Variants in SLC38A6 observed in about 807,000 individuals in gnomAD.
The protein encoded by SLC38A6 is solute carrier family 38 member 6, also known as N system amino acid transporter NAT-1.
In SLC38A6, 73 loss-of-function variants were observed where a neutral mutation model predicts 65.0. The ratio of observed to expected loss-of-function variants is 1.12; its 90% CI spans 0.93 to 1.37. The LOEUF is 1.37. Ranked by LOEUF, SLC38A6 falls within the 40% of genes most tolerant of loss-of-function variation. The probability of loss-of-function intolerance (pLI) is 0.00; values close to 1 mark genes in which losing one functional copy is unlikely to be tolerated. For synonymous variants in SLC38A6, 183 were observed against 178.8 expected (o/e 1.02, Z -0.19); for missense variants, 561 against 531.1 (o/e 1.06, Z -0.55).
chr14:61,074,037 A>G (rs2043316344), intron 15 of SLC38A6: 3 of 152,238 alleles, frequency 2.0e-5, no homozygotes, highest in South Asian at 2.1e-4. Flanking sequence ...TACAAATAAC[A>G]TACAAAATGT....
intron 3 of SLC38A6, among the ~76,000 whole-genome samples, chr14:61,003,850 G>A (rs1456569573): frequency 2.0e-5 from 3 of 152,102 alleles, no homozygotes; most frequent in Non-Finnish European, 4.4e-5. Flanking sequence ...GTGACAGAAA[G>A]GAATGACTAG....
chr14:60,990,041 T>G (rs181688709), intron 3 of SLC38A6, among the ~76,000 whole-genome samples: 3 of 152,036 alleles, frequency 2.0e-5, no homozygotes, highest in Non-Finnish European at 4.4e-5. Context: ...TCTTTTCTTT[T>G]TTTTTTGAGA....
chr14:61,037,222 T>C, intron 7 of SLC38A6, 81 bp downstream of exon 7: 1 of 1,074,034 alleles, frequency 9.3e-7, no homozygotes, highest in African/African-American at 1.6e-5. Context: ...ATTAAGGGGC[T>C]TTAAAATTTC....
chr14:61,017,072 G>T (rs759453734), intron 4 of SLC38A6, among the ~76,000 whole-genome samples: 4 of 151,934 alleles, frequency 2.6e-5, no homozygotes, highest in African/African-American at 9.7e-5. Flanking sequence ...ACAGAGTTTC[G>T]CTCTTGTTGC....
At chr14:61,046,954 A>G (rs1472408582) in intron 12 of SLC38A6, among the ~76,000 whole-genome samples, 1 of 152,162 alleles carries the variant, frequency 6.6e-6, no homozygotes, top group East Asian at 1.9e-4. Flanking sequence ...ACTTAAATAT[A>G]TAAACTTTAT....
At chr14:60,986,942 TA>T in intron 3 of SLC38A6, 1 of 247,428 alleles carries the variant, frequency 4.0e-6, no homozygotes, top group Admixed American at 5.7e-5. Context: ...GGTTCACATG[TA>T]TTTAACTTTA....
In SLC38A6 at chr14:61,046,158, A is replaced by G; in HGVS notation, c.916A>G (p.Thr306Ala). The change falls in exon 12 of 16, where the codon ACT becomes GCT. Residue 306 changes from threonine to alanine, a missense_variant. By Grantham distance (58) the Thr-to-Ala change is moderately conservative. Coordinates refer to ENST00000267488, the MANE Select transcript of SLC38A6 (RefSeq NM_153811.3). ...YFISALFGYL[T>A]FYDKVESELL... ...TATATCTGCACTCTTTGGGTACCTC[A>G]CTTTTTATGGTAAGTACATTTTAAA... 6.3e-7 allele frequency: 1 copy of G among 1,585,996 alleles called. No individual in the cohort carries two copies. Among genetic ancestry groups the G allele is most frequent in the Non-Finnish European group, 8.6e-7 (1 of 1,156,218 alleles).
intron 3 of SLC38A6, among the ~76,000 whole-genome samples, chr14:61,014,761 G>A (rs547340936): frequency 1.3e-5 from 2 of 152,312 alleles, no homozygotes; most frequent in South Asian, 2.1e-4. Flanking sequence ...TCTCAGAGGA[G>A]TACCCGGCCG....
chr14:61,023,966 A>G (rs898338891), intron 5 of SLC38A6, among the ~76,000 whole-genome samples: 2 of 152,182 alleles, frequency 1.3e-5, no homozygotes, highest in Non-Finnish European at 2.9e-5. Flanking sequence ...AGAAAGGACT[A>G]AGAGGGGAGA....
intron 15 of SLC38A6, among the ~76,000 whole-genome samples, chr14:61,071,198 T>G (rs904144309): frequency 3.9e-5 from 6 of 152,354 alleles, no homozygotes; most frequent in East Asian, 1.9e-4. Flanking sequence ...CAATGCATAT[T>G]GAGGGATTTT....
In SLC38A6 at chr14:60,992,462, G is replaced by A. The variant is rs530101990; in HGVS notation, c.310+7659G>A. On this transcript the variant is annotated intron_variant, in intron 3 of 15. Transcript: ENST00000267488. ...TCCTTATTGCTACTGTGTAGATCAC[G>A]CCATAACCCCTCCCCAGGATTACAG... Among the ~76,000 whole-genome samples, 5 of 151,196 alleles carry A rather than the reference G, an allele frequency of 3.3e-5. No individual in the cohort carries two copies. In the South Asian group the frequency reaches 8.5e-4, roughly 26 times the overall value.
At chr14:61,028,322 A>C (rs1445134328) in intron 5 of SLC38A6, among the ~76,000 whole-genome samples, 1 of 152,164 alleles carries the variant, frequency 6.6e-6, no homozygotes, top group Non-Finnish European at 1.5e-5. Context: ...ATTACATTTT[A>C]TAGGAAGTCT....
At chr14:61,063,038 T>G (rs1008352882) in intron 15 of SLC38A6, among the ~76,000 whole-genome samples, 2 of 152,222 alleles carry the variant, frequency 1.3e-5, no homozygotes, top group Non-Finnish European at 2.9e-5. Flanking sequence ...TGTGGCTTGC[T>G]GTTTTATTCT....
At chr14:61,041,802 A>C (rs1036503663) in intron 8 of SLC38A6, among the ~76,000 whole-genome samples, 1 of 152,064 alleles carries the variant, frequency 6.6e-6, no homozygotes, top group African/African-American at 2.4e-5. Flanking sequence ...CGGGAGGCTG[A>C]GGTGGAAGGA....
chr14:60,999,506 A>G (rs2038548516), intron 3 of SLC38A6, among the ~76,000 whole-genome samples: 1 of 152,168 alleles, frequency 6.6e-6, no homozygotes, highest in African/African-American at 2.4e-5. Context: ...ACTATATGAA[A>G]TGAAATTCCC....
At chr14:60,984,620 A>G in intron 2 of SLC38A6, 110 bp from the exon 3 acceptor site, 1 of 815,780 alleles carries the variant, frequency 1.2e-6, no homozygotes, top group South Asian at 1.4e-5. Context: ...TGCTACTCAG[A>G]GATAGTTCCT....
At chr14:61,075,091 G>T (rs762435055) in intron 15 of SLC38A6, among the ~76,000 whole-genome samples, 1 of 152,188 alleles carries the variant, frequency 6.6e-6, no homozygotes, top group African/African-American at 2.4e-5. Flanking sequence ...GAGAAAATGT[G>T]AATTTGGGAA....
intron 8 of SLC38A6, among the ~76,000 whole-genome samples, chr14:61,041,119 T>C (rs973651775): frequency 4.6e-5 from 7 of 152,182 alleles, no homozygotes; most frequent in Admixed American, 2.0e-4. Flanking sequence ...GGGAGGCCTT[T>C]TGTGCAAGTG....
intron 4 of SLC38A6, among the ~76,000 whole-genome samples, chr14:61,018,572 C>G (rs1337563206): frequency 4.6e-5 from 7 of 152,134 alleles, no homozygotes; most frequent in Non-Finnish European, 1.0e-4. Flanking sequence ...TTCTAGACAG[C>G]TAGTCAGCTC....
Sources: gnomAD v4.1 joint callset for allele counts (sites outside exome capture counted in the v4.1 genomes callset) on GRCh38, gnomAD v4.1.1 for gene constraint, MANE v1.5 for transcripts, NCBI Gene and HGNC (gene_info 2026-07-23, HGNC 2026-07-21) for gene names.